ELN: variants seen among roughly 807,000 people sequenced by gnomAD.
ELN encodes elastin.
In ELN, 65 loss-of-function variants were observed where a neutral mutation model predicts 105.8. That is an observed-to-expected ratio of 0.61 (90% confidence interval 0.50 to 0.75). ELN has a LOEUF of 0.75. Ranked by LOEUF, ELN falls within the 30% of genes least tolerant of loss-of-function variation. ELN has a pLI of 0.00. For missense variants in ELN, 882 were observed against 969.4 expected, an observed-to-expected ratio of 0.91 and a Z score of 1.20; for synonymous variants, 368 against 389.2, an observed-to-expected ratio of 0.95 and a Z score of 0.64.
chr7:74,068,563 G>A (rs1307595196), intron 32 of ELN, 94 bp from the exon 33 acceptor site: 2 of 1,511,998 alleles, frequency 1.3e-6, no homozygotes, highest in African/African-American at 2.7e-5. Context: ...TTGGCTTCTT[G>A]GAGCCTCCAT....
At position 74,059,983 on chromosome 7, in the gene ELN, T is replaced by A. The variant is rs1563853222; in HGVS notation, c.1512T>A (p.Ala504=). Residue 504 remains alanine (A), a synonymous_variant, in exon 23 of 33, where the codon GCT becomes GCA. Transcript: ENST00000252034. ...GCTTGGCTCCTGGAGTTGGCGTGGC[T>A]CCTGGAGTTGGTGTGGCTCCTGGCG... The part of the protein sequence containing the change: ...GVGLAPGVGV[A]PGVGVAPGVG... The A allele has an allele frequency of 6.2e-7, 1 of 1,613,776 alleles. No homozygotes were observed. Among genetic ancestry groups the A allele is most frequent in the Non-Finnish European group, 8.5e-7 (1 of 1,179,930 alleles).
chr7:74,063,086 G>C lies in ELN; in HGVS notation c.1787-67G>C. The C allele has an allele frequency of 6.5e-7, 1 of 1,547,004 alleles. No individual in the cohort carries two copies. Among genetic ancestry groups the C allele is most frequent in the Non-Finnish European group, 8.8e-7 (1 of 1,141,504 alleles). Reference sequence around the variant, plus strand: ...CCCCTGCCACCTGTCTGCTTGCCTTGTGTCCCTGGGGCAGGGAGACCCATC... The same window carrying C: ...CCCCTGCCACCTGTCTGCTTGCCTTCTGTCCCTGGGGCAGGGAGACCCATC... On this transcript the variant is annotated intron_variant, in intron 26 of 32. Coordinates refer to ENST00000252034, the MANE Select transcript of ELN (RefSeq NM_000501.4). The surrounding 1 kb of genome is among the most constrained non-coding windows in gnomAD (Gnocchi z 4.1).
At chr7:74,036,148 G>C (rs1243082047) in intron 2 of ELN, among the ~76,000 whole-genome samples, 1 of 151,830 alleles carries the variant, frequency 6.6e-6, no homozygotes, top group Non-Finnish European at 1.5e-5. Flanking sequence ...AAATTAACCA[G>C]GTGTGGTGGC....
At chr7:74,041,020 G>A (rs1260136841) in intron 4 of ELN, among the ~76,000 whole-genome samples, 196 bp from the exon 5 acceptor site, 1 of 152,178 alleles carries the variant, frequency 6.6e-6, no homozygotes, top group African/African-American at 2.4e-5. Context: ...AATGACACCT[G>A]CACTGCACAT....
intron 17 of ELN, chr7:74,052,616 A>G (rs1340462237): frequency 6.4e-6 from 1 of 156,532 alleles, no homozygotes; most frequent in East Asian, 2.4e-4. Flanking sequence ...AGAGAGAGAC[A>G]GGAAGGAAGG....
At chr7:74,046,281 G>T in intron 11 of ELN, 64 bp downstream of exon 11, 1 of 1,610,372 alleles carries the variant, frequency 6.2e-7, no homozygotes, top group Non-Finnish European at 8.5e-7. Context: ...CGTTGGGAGG[G>T]GTTGGGCACC....
chr7:74,065,802 C>G, intron 30 of ELN, 70 bp downstream of exon 30: 2 of 1,611,538 alleles, frequency 1.2e-6, no homozygotes, highest in East Asian at 2.2e-5. Context: ...CACCCTCCCC[C>G]AGCCCAGCTC....
intron 4 of ELN, among the ~76,000 whole-genome samples, chr7:74,040,772 T>G (rs1791025565): frequency 6.6e-6 from 1 of 151,952 alleles, no homozygotes. Flanking sequence ...GCAGGCTGGA[T>G]GGAAGGACAG....
intron 17 of ELN, 81 bp from the exon 18 acceptor site, chr7:74,053,082 C>CA (rs1319498119): frequency 5.6e-6 from 9 of 1,604,480 alleles, no homozygotes; most frequent in East Asian, 2.2e-5. Context: ...GACCAACTGT[C>CA]ACTTCCATAC....
In ELN at chr7:74,069,770, G is replaced by A. The variant is rs1554691305; in HGVS notation, c.*1070G>A. 5 of 223,912 alleles carry A rather than the reference G, an allele frequency of 2.2e-5. No homozygotes were observed. The highest frequency in any genetic ancestry group is 5.8e-5 in the Admixed American group (1 of 17,360). The allele number at this position is 223,912 out of a possible 1,614,324, so 13.9% of individuals were successfully genotyped here. On this transcript the variant is annotated 3_prime_UTR_variant, in exon 33 of 33. Transcript: ENST00000252034. ...AAAAGATAATTTTTTTTTCTGATCC[G>A]GGGAGCTGTATCCCCAGTAGAAAAA...
At chr7:74,047,645 G>C (rs367744473) in intron 12 of ELN, 30 bp from the exon 13 acceptor site, 1 of 1,614,124 alleles carries the variant, frequency 6.2e-7, no homozygotes, top group Non-Finnish European at 8.5e-7. Flanking sequence ...GCATGGGGCA[G>C]CCCCTGAGTT....
chr7:74,044,494 GC>G (rs780626453), intron 9 of ELN, among the ~76,000 whole-genome samples: 22 of 152,174 alleles, frequency 1.4e-4, no homozygotes, highest in Non-Finnish European at 2.9e-4. Flanking sequence ...CCCGAGGCGG[GC>G]CCCCGAGGAC....
At chr7:74,050,518 C>T (rs797029746) in intron 15 of ELN, among the ~76,000 whole-genome samples, 7 of 152,132 alleles carry the variant, frequency 4.6e-5, no homozygotes, top group African/African-American at 1.4e-4. Context: ...TTCCTCCATG[C>T]ACCCATCCAT....
In ELN at chr7:74,056,371, C is replaced by T. The variant is rs782315685; in HGVS notation, c.1251C>T (p.Val417=). The T allele has an allele frequency of 7.4e-6, 12 of 1,613,424 alleles. No individual in the cohort carries two copies. The highest frequency in any genetic ancestry group is 2.2e-5 in the South Asian group (2 of 91,058). The part of the protein sequence containing the change: ...FGVGVGGIPG[V]AGVPGVGGVP... ...TCGGAGTCGGAGGTATCCCTGGAGT[C>T]GCAGGTGTCCCTGGTGTCGGAGGTG... Residue 417 remains valine (V), a synonymous_variant, in exon 20 of 33, where the codon GTC becomes GTT. Transcript: ENST00000252034.
chr7:74,047,687 T>G lies in ELN; in HGVS notation c.656T>G (p.Leu219Arg). The G allele has an allele frequency of 6.2e-7, 1 of 1,614,174 alleles. No homozygotes were observed. The highest frequency in any genetic ancestry group is 8.5e-7 in the Non-Finnish European group (1 of 1,180,008). Reference sequence around the variant, plus strand: ...GTCCTCTCTCCAGGTGGCTATGGACTGCCCTACACCACAGGGAAACTGCCC... The same window carrying G: ...GTCCTCTCTCCAGGTGGCTATGGACGGCCCTACACCACAGGGAAACTGCCC... ...KAPKLPGGYG[L>R]PYTTGKLPYG... The change falls in exon 13 of 33, where the codon CTG (leucine) becomes CGG (arginine). Residue 219 changes from leucine to arginine, a missense_variant. By Grantham distance (102) the Leu-to-Arg change is moderately radical (BLOSUM62 -2). Coordinates refer to ENST00000252034, the MANE Select transcript of ELN (RefSeq NM_000501.4).
At chr7:74,042,890 C>G (rs1242330542) in intron 6 of ELN, 94 bp from the exon 7 acceptor site, 2 of 1,605,122 alleles carry the variant, frequency 1.2e-6, no homozygotes, top group African/African-American at 2.7e-5. Context: ...GTAACGGGGC[C>G]AGACCTCAAT....
intron 19 of ELN, among the ~76,000 whole-genome samples, chr7:74,055,481 T>C (rs569644644): frequency 6.6e-6 from 1 of 152,050 alleles, no homozygotes; most frequent in East Asian, 1.9e-4. Flanking sequence ...TTTTTCTTTT[T>C]CTTTTTCTTT....
At chr7:74,029,404 C>G (rs1436697711) in intron 1 of ELN, among the ~76,000 whole-genome samples, 1 of 152,064 alleles carries the variant, frequency 6.6e-6, no homozygotes, top group South Asian at 2.1e-4. Flanking sequence ...GGCTGCTATG[C>G]CGCGGCCAAC....
rs367634266 is a variant in ELN at position 74,028,222 on chromosome 7, G to T, written c.35G>T (p.Gly12Val). Residue 12 changes from glycine to valine, a missense_variant, in exon 1 of 33, where the codon GGA becomes GTA. By Grantham distance (109) the Gly-to-Val change is moderately radical (BLOSUM62 -3). Coordinates refer to ENST00000252034, the MANE Select transcript of ELN (RefSeq NM_000501.4). The part of the protein sequence containing the change: ...AGLTAAAPRP[G>V]VLLLLLSILH... ...CTGACGGCGGCGGCCCCGCGGCCCG[G>T]AGTCCTCCTGCTCCTGCTGTCCATC... 1.3e-4 allele frequency: 214 copies of T among 1,611,056 alleles called. No homozygotes were observed. Among genetic ancestry groups the T allele is most frequent in the Non-Finnish European group, 1.7e-4 (203 of 1,179,716 alleles).
Sources: gnomAD v4.1 joint callset for allele counts (sites outside exome capture counted in the v4.1 genomes callset) on GRCh38, gnomAD v4.1.1 for gene constraint, Gnocchi (gnomAD v3.1) non-coding constraint, MANE v1.5 for transcripts, NCBI Gene and HGNC (gene_info 2026-07-23, HGNC 2026-07-21) for gene names.